The following ANKS1B variants were observed in gnomAD, a reference collection of about 807,000 sequenced individuals.
ANKS1B encodes the protein ankyrin repeat and sterile alpha motif domain-containing protein 1B.
In ANKS1B, 36 loss-of-function variants were observed where a neutral mutation model predicts 148.3. The ratio of observed to expected loss-of-function variants is 0.24; its 90% CI spans 0.19 to 0.32. ANKS1B has a LOEUF of 0.32. Ranked by LOEUF, ANKS1B falls within the 10% of genes least tolerant of loss-of-function variation. ANKS1B has a pLI of 1.00. For synonymous variants in ANKS1B, 542 were observed against 560.8 expected, an observed-to-expected ratio of 0.97 and a Z score of 0.47; for missense variants, 1,157 against 1,542.6, an observed-to-expected ratio of 0.75 and a Z score of 4.19.
chr12:99,155,435 A>G (rs1398632055), intron 14 of ANKS1B, among the ~76,000 whole-genome samples: 1 of 152,180 alleles, frequency 6.6e-6, no homozygotes, highest in Non-Finnish European at 1.5e-5. Context: ...TCCAAACAAA[A>G]GTATTATTAG....
chr12:99,169,596 T>G (rs1045380594), intron 14 of ANKS1B, among the ~76,000 whole-genome samples: 7 of 152,206 alleles, frequency 4.6e-5, no homozygotes, highest in Non-Finnish European at 1.0e-4. Context: ...TAATATTTAT[T>G]GGGCACCTAC....
intron 8 of ANKS1B, among the ~76,000 whole-genome samples, chr12:99,691,676 T>C (rs544113439): frequency 2.2e-4 from 33 of 152,278 alleles, no homozygotes; most frequent in Non-Finnish European, 4.3e-4. Flanking sequence ...ATTCAATAAG[T>C]CTCTAGGAAG....
At chr12:99,115,269 C>T (rs2061110672) in intron 15 of ANKS1B, among the ~76,000 whole-genome samples, 1 of 152,148 alleles carries the variant, frequency 6.6e-6, no homozygotes, top group African/African-American at 2.4e-5. Context: ...TAAATTTACA[C>T]CATGGAATAC....
intron 12 of ANKS1B, among the ~76,000 whole-genome samples, chr12:99,391,540 C>T (rs1018782760): frequency 6.6e-6 from 1 of 152,150 alleles, no homozygotes; most frequent in South Asian, 2.1e-4. Flanking sequence ...TGAGATCAGT[C>T]ACCCCCTTGA....
chr12:99,469,055 G>A (rs1488263454), intron 10 of ANKS1B, among the ~76,000 whole-genome samples: 1 of 151,980 alleles, frequency 6.6e-6, no homozygotes, highest in African/African-American at 2.4e-5. Flanking sequence ...GTCCAACAAT[G>A]ACAGACTGGA....
intron 9 of ANKS1B, among the ~76,000 whole-genome samples, chr12:99,579,264 C>T (rs948171694): frequency 8.6e-5 from 13 of 151,924 alleles, no homozygotes; most frequent in South Asian, 2.1e-4. Context: ...AAACCTGGGA[C>T]GTATCATTTT....
intron 1 of ANKS1B, among the ~76,000 whole-genome samples, chr12:99,928,000 T>C (rs1226030357): frequency 6.6e-6 from 1 of 152,076 alleles, no homozygotes; most frequent in African/African-American, 2.4e-5. Flanking sequence ...AGTTTTAAAT[T>C]GAGTGTTTTC....
chr12:99,205,394 A>G (rs2082541122), intron 14 of ANKS1B, among the ~76,000 whole-genome samples: 1 of 152,206 alleles, frequency 6.6e-6, no homozygotes, highest in Non-Finnish European at 1.5e-5. Flanking sequence ...CCTGTCCAGA[A>G]CTGCAAATAA....
intron 12 of ANKS1B, among the ~76,000 whole-genome samples, chr12:99,349,871 A>G (rs1334632234): frequency 3.3e-5 from 5 of 152,076 alleles, no homozygotes; most frequent in Non-Finnish European, 7.4e-5. Context: ...CTAGATATGG[A>G]TGATGGATAT....
intron 4 of ANKS1B, among the ~76,000 whole-genome samples, chr12:99,794,460 T>TACACACAC (rs148663206): frequency 0.073 from 10,536 of 143,510 alleles, 442 homozygotes; most frequent in African/African-American, 0.088. Flanking sequence ...GAAAATGTGG[T>TACACACAC]ACACACACAC....
chr12:99,704,291 C>T (rs1200880855), intron 8 of ANKS1B, among the ~76,000 whole-genome samples: 1 of 151,966 alleles, frequency 6.6e-6, no homozygotes, highest in African/African-American at 2.4e-5. Context: ...TTTCCCCCTG[C>T]ATAGTTTCTG....
intron 17 of ANKS1B, among the ~76,000 whole-genome samples, chr12:98,898,103 T>C (rs2099767354): frequency 6.6e-6 from 1 of 152,140 alleles, no homozygotes; most frequent in African/African-American, 2.4e-5. Flanking sequence ...ACCTATTAGG[T>C]ATAATGTCCA....
At chr12:99,067,629 G>A (rs1415082134) in intron 16 of ANKS1B, among the ~76,000 whole-genome samples, 2 of 152,154 alleles carry the variant, frequency 1.3e-5, no homozygotes, top group Non-Finnish European at 2.9e-5. Context: ...CACTTTGAAT[G>A]AATCATTAGA....
chr12:99,256,971 T>G (rs1286573678), intron 12 of ANKS1B, among the ~76,000 whole-genome samples: 1 of 152,026 alleles, frequency 6.6e-6, no homozygotes, highest in African/African-American at 2.4e-5. Context: ...CCCGGCCGGG[T>G]GCAGTGGCTC....
intron 8 of ANKS1B, among the ~76,000 whole-genome samples, chr12:99,674,032 A>G (rs981470155): frequency 6.6e-6 from 1 of 151,818 alleles, no homozygotes; most frequent in African/African-American, 2.4e-5. Flanking sequence ...AAAATCAAAA[A>G]TTAAAACAAC....
chr12:98,827,407 T>A (rs181422626), intron 19 of ANKS1B, among the ~76,000 whole-genome samples: 38 of 152,324 alleles, frequency 2.5e-4, no homozygotes, highest in African/African-American at 8.9e-4. Flanking sequence ...CTACGTCCCA[T>A]CAGCCTGCTT....
intron 9 of ANKS1B, among the ~76,000 whole-genome samples, chr12:99,573,290 G>C (rs1380675517): frequency 1.3e-5 from 2 of 151,976 alleles, no homozygotes; most frequent in East Asian, 1.9e-4. Flanking sequence ...GATTCTACTA[G>C]GTTATAGATA....
intron 9 of ANKS1B, among the ~76,000 whole-genome samples, chr12:99,579,472 A>G (rs1274435142): frequency 6.6e-6 from 1 of 152,218 alleles, no homozygotes; most frequent in Non-Finnish European, 1.5e-5. Context: ...CCTAATAGCT[A>G]GAATCTATAA....
chr12:99,979,956 T>C (rs1259610023), intron 1 of ANKS1B, among the ~76,000 whole-genome samples: 1 of 151,772 alleles, frequency 6.6e-6, no homozygotes, highest in Admixed American at 6.6e-5. Context: ...TTATTACATC[T>C]CTGGATGATA....
Sources: gnomAD v4.1 joint callset for allele counts (sites outside exome capture counted in the v4.1 genomes callset) on GRCh38, gnomAD v4.1.1 for gene constraint, MANE v1.5 for transcripts, NCBI Gene and HGNC (gene_info 2026-07-23, HGNC 2026-07-21) for gene names.